Variants in DIP2A observed in about 807,000 individuals in gnomAD.
DIP2A encodes the protein DIP2 acetate--CoA ligase A, also known as disco-interacting protein 2 homolog A.
A neutral mutation model predicts 177.4 loss-of-function variants in DIP2A; 85 were observed. That is an observed-to-expected ratio of 0.48 (90% CI 0.40 to 0.57). DIP2A has a LOEUF of 0.57. Ranked by LOEUF, DIP2A falls within the 20% of genes least tolerant of loss-of-function variation. The pLI, the probability that DIP2A is intolerant of heterozygous loss-of-function variation, is 0.00. For synonymous variants in DIP2A, 886 were observed against 881.8 expected, an observed-to-expected ratio of 1.00 and a Z score of -0.08; for missense variants, 1,791 against 2,100.2, an observed-to-expected ratio of 0.85 and a Z score of 2.88.
At position 46,567,462 on chromosome 21, in the gene DIP2A, A is replaced by T; in HGVS notation, c.4556A>T (p.Asn1519Ile). ...DALDLVALVT[N>I]VVLEEHYLVV... ...CTGGACCTGGTGGCCCTGGTGACCA[A>T]CGTGGTGCTGGAGGAGCACTACCTG... is the stretch of plus-strand genomic sequence containing the variant. Residue 1519 changes from asparagine to isoleucine, a missense_variant, in exon 38 of 38, where the codon AAC becomes ATC. Asn to Ile is a moderately radical substitution (Grantham distance 149). Transcript: ENST00000417564. The T allele has an allele frequency of 6.2e-7, 1 of 1,613,874 alleles. No homozygotes were observed.
chr21:46,554,457 A>G lies in DIP2A; in HGVS notation c.3155-118A>G. On this transcript the variant is annotated intron_variant, in intron 26 of 37. Coordinates refer to ENST00000417564, the MANE Select transcript of DIP2A (RefSeq NM_015151.4). Reference sequence around the variant, plus strand: ...AGCTCAGCTACCCCTGTGGAAACCCAGGAGTCACCCATGCCCCCCCAGCAC... The same window carrying G: ...AGCTCAGCTACCCCTGTGGAAACCCGGGAGTCACCCATGCCCCCCCAGCAC... 3.9e-6 allele frequency: 6 copies of G among 1,542,462 alleles called. No individual in the cohort carries two copies. The South Asian group carries it at 6.1e-5, about 16-fold the overall frequency.
Position 46,484,791 on chromosome 21 carries a change from G to A in DIP2A, c.126G>A (p.Arg42=). The part of the protein sequence containing the change: ...DITQKGYEKK[R]AKLLARYIPL... ...CTCAAAAAGGATATGAAAAGAAAAG[G>A]GCAAAGCTGCTTGCACGTTATATAC... The change falls in exon 2 of 38, where the codon AGG becomes AGA. Residue 42 remains arginine, a synonymous_variant. Coordinates refer to ENST00000417564, the MANE Select transcript of DIP2A (RefSeq NM_015151.4). 1 of 1,584,412 alleles carries A rather than the reference G, an allele frequency of 6.3e-7. No individual in the cohort carries two copies.
chr21:46,565,960 C>A, intron 36 of DIP2A, 73 bp downstream of exon 36: 2 of 1,536,036 alleles, frequency 1.3e-6, no homozygotes, highest in Non-Finnish European at 1.8e-6. Flanking sequence ...GCTTAGTCAC[C>A]TGCTAGCACA....
Position 46,557,505 on chromosome 21 carries a change from G to A in DIP2A, c.3630-80G>A. 5 of 1,467,730 alleles carry A rather than the reference G, an allele frequency of 3.4e-6. No homozygotes were observed. Among genetic ancestry groups the A allele is most frequent in the Non-Finnish European group, 4.6e-6 (5 of 1,092,178 alleles). The allele number at this position is 1,467,730 out of a possible 1,614,324, so 90.9% of individuals were successfully genotyped here. A position where few individuals can be genotyped will look rare whatever the true frequency, so the allele number is the denominator to read the frequency against. Reference sequence around the variant, plus strand: ...TGCCCCTGTTGTGGCTGGAAAAGAAGTGTTCTTGAGGAAGGGAAGAGTGGA... The same window carrying A: ...TGCCCCTGTTGTGGCTGGAAAAGAAATGTTCTTGAGGAAGGGAAGAGTGGA... On this transcript the variant is annotated intron_variant, in intron 30 of 37. Coordinates refer to ENST00000417564, the MANE Select transcript of DIP2A (RefSeq NM_015151.4). This position sits in a 1 kb window ranked among gnomAD's most constrained non-coding sequence, Gnocchi z 6.0.
intron 7 of DIP2A, 40 bp from the exon 8 acceptor site, chr21:46,511,377 C>G: frequency 6.4e-7 from 1 of 1,551,042 alleles, no homozygotes; most frequent in Non-Finnish European, 8.7e-7. Context: ...GTTCGTGGTG[C>G]TCTGAATTGC....
chr21:46,477,414 C>T (rs949950810), intron 1 of DIP2A, among the ~76,000 whole-genome samples: 1 of 151,338 alleles, frequency 6.6e-6, no homozygotes, highest in African/African-American at 2.4e-5. Flanking sequence ...GTAATCCCAG[C>T]TACTTGGGAG....
At chr21:46,514,733 G>T (rs796108476) in intron 8 of DIP2A, among the ~76,000 whole-genome samples, 6 of 136,524 alleles carry the variant, frequency 4.4e-5, no homozygotes, top group African/African-American at 1.7e-4. Context: ...TTTTCCATCT[G>T]AGGAAAAGCC....
intron 21 of DIP2A, among the ~76,000 whole-genome samples, chr21:46,547,430 C>G (rs2060097942): frequency 6.6e-6 from 1 of 152,114 alleles, no homozygotes; most frequent in Non-Finnish European, 1.5e-5. Flanking sequence ...CCTCCATTGC[C>G]TCTGGAATAA....
intron 17 of DIP2A, among the ~76,000 whole-genome samples, chr21:46,541,554 C>T (rs996700367): frequency 2.6e-5 from 4 of 152,192 alleles, no homozygotes; most frequent in African/African-American, 4.8e-5. Context: ...GCCCTTTTCC[C>T]ACTGAGTGGA....
rs543901177 is a variant in DIP2A, at chr21:46,464,414, A to G, written c.91+5192A>G. On this transcript the variant is annotated intron_variant, in intron 1 of 37. Coordinates refer to ENST00000417564, the MANE Select transcript of DIP2A (RefSeq NM_015151.4). ...GTCTCAAAAAAAGAAAAACGTTCTC[A>G]TGTTCAGATTCTACTCATCTGTCAA... Among the ~76,000 whole-genome samples, 3 of 152,268 alleles carry G rather than the reference A, an allele frequency of 2.0e-5. No homozygotes were observed. The South Asian group carries it at 6.2e-4, about 32-fold the overall frequency.
Position 46,498,979 on chromosome 21 carries a change from A to G in DIP2A, c.655+146A>G, listed in dbSNP as rs2057509589. 1 of 1,108,428 alleles carries G rather than the reference A, an allele frequency of 9.0e-7. No individual in the cohort carries two copies. Among genetic ancestry groups the G allele is most frequent in the Non-Finnish European group, 1.2e-6 (1 of 804,704 alleles). The allele number at this position is 1,108,428 out of a possible 1,614,324, so 68.7% of individuals were successfully genotyped here. A position where few individuals can be genotyped will look rare whatever the true frequency, so the allele number is the denominator to read the frequency against. On this transcript the variant is annotated intron_variant, in intron 5 of 37. Coordinates refer to ENST00000417564, the MANE Select transcript of DIP2A (RefSeq NM_015151.4). The surrounding 1 kb of genome is among the most constrained non-coding windows in gnomAD (Gnocchi z 4.3). ...GAGTGCTCTCCAAGTGACTGAGGTC[A>G]CACAACCCAGATAACCCATACTGGC...
chr21:46,537,618 A>G lies in DIP2A; in HGVS notation c.1801+79A>G, dbSNP rs1338015864. 1.4e-6 allele frequency: 2 copies of G among 1,409,332 alleles called. No individual in the cohort carries two copies. Among genetic ancestry groups the G allele is most frequent in the South Asian group, 1.2e-5 (1 of 82,024 alleles). 87.3% of individuals were successfully genotyped at this position (1,409,332 alleles called of 1,614,324 possible). On this transcript the variant is annotated intron_variant, in intron 15 of 37. Coordinates refer to ENST00000417564, the MANE Select transcript of DIP2A (RefSeq NM_015151.4). This position sits in a 1 kb window ranked among gnomAD's most constrained non-coding sequence, Gnocchi z 4.1. ...ACTGACCTTTGGTGCTTAAGAAAAAATAAAGCTGACATGTGGAACTGCAGA... is the reference window on the plus strand; with the variant it reads ...ACTGACCTTTGGTGCTTAAGAAAAAGTAAAGCTGACATGTGGAACTGCAGA...
chr21:46,573,435 G>T (rs1041261959), downstream of DIP2A, among the ~76,000 whole-genome samples: 3 of 151,792 alleles, frequency 2.0e-5, no homozygotes, highest in Non-Finnish European at 4.4e-5. Context: ...TGAGGCAGGT[G>T]GTTTTCTTGA....
intron 1 of DIP2A, among the ~76,000 whole-genome samples, chr21:46,475,635 A>C (rs964622256): frequency 6.6e-6 from 1 of 152,282 alleles, no homozygotes; most frequent in South Asian, 2.1e-4. Context: ...TATTTCAAAC[A>C]TACCAAAAAC....
At position 46,460,624 on chromosome 21, in the gene DIP2A, A is replaced by T. The variant is rs183502997; in HGVS notation, c.91+1402A>T. Among the ~76,000 whole-genome samples the T allele has an allele frequency of 1.4e-4, 21 of 152,302 alleles. No homozygotes were observed. In the East Asian group the frequency reaches 2.3e-3, roughly 17 times the overall value. On this transcript the variant is annotated intron_variant, in intron 1 of 37. Transcript: ENST00000417564. ...AGATGCTGTTGTGATCTTGTTTTACATATAATACAACATGTACTTGCAACT... is the reference window on the plus strand; with the variant it reads ...AGATGCTGTTGTGATCTTGTTTTACTTATAATACAACATGTACTTGCAACT...
chr21:46,561,928 G>A, intron 34 of DIP2A, 123 bp downstream of exon 34: 1 of 1,488,766 alleles, frequency 6.7e-7, no homozygotes, highest in Non-Finnish European at 8.9e-7. Context: ...TGGTTGGGGT[G>A]GGCTCGGCTG....
intron 34 of DIP2A, among the ~76,000 whole-genome samples, chr21:46,562,782 G>T (rs1223146709): frequency 1.3e-5 from 2 of 152,194 alleles, no homozygotes; most frequent in East Asian, 3.8e-4. Flanking sequence ...CCAGCCGAGA[G>T]TGGAGTCGGG....
At chr21:46,467,128 C>G (rs2054901492) in intron 1 of DIP2A, among the ~76,000 whole-genome samples, 1 of 151,660 alleles carries the variant, frequency 6.6e-6, no homozygotes, top group Non-Finnish European at 1.5e-5. Flanking sequence ...AATCCTGTCT[C>G]TACTAAAAAT....
chr21:46,533,985 T>A lies in DIP2A; in HGVS notation c.1430-19T>A, dbSNP rs755036169. ...GCCTCTGACTGCTTGCTGTTCTGTGTCCTGTCTGTGTGTCACAGGTTGGCC... is the reference window on the plus strand; with the variant it reads ...GCCTCTGACTGCTTGCTGTTCTGTGACCTGTCTGTGTGTCACAGGTTGGCC... On this transcript the variant is annotated intron_variant, in intron 11 of 37. Transcript: ENST00000417564. 1.2e-6 allele frequency: 2 copies of A among 1,604,132 alleles called. No individual in the cohort carries two copies. The highest frequency in any genetic ancestry group is 1.7e-5 in the Admixed American group (1 of 59,402).
Sources: gnomAD v4.1 joint callset for allele counts (sites outside exome capture counted in the v4.1 genomes callset) on GRCh38, gnomAD v4.1.1 for gene constraint, Gnocchi (gnomAD v3.1) non-coding constraint, MANE v1.5 for transcripts, NCBI Gene and HGNC (gene_info 2026-07-23, HGNC 2026-07-21) for gene names.